EARS2: variants seen among roughly 807,000 people sequenced by gnomAD.
EARS2 encodes the protein nondiscriminating glutamyl-tRNA synthetase EARS2, mitochondrial.
EARS2 carries 50 observed loss-of-function variants against 54.1 expected under a neutral mutation model. The ratio of observed to expected loss-of-function variants is 0.92; its 90% CI spans 0.74 to 1.17. The LOEUF is 1.17. Among genes scored for constraint, EARS2 ranks in the 50% most tolerant of loss-of-function variants. The probability of loss-of-function intolerance (pLI) is 0.00; values close to 1 mark genes in which losing one functional copy is unlikely to be tolerated. For missense variants in EARS2, 673 were observed against 675.0 expected (o/e 1.00, Z 0.03); for synonymous variants, 298 against 281.0 (o/e 1.06, Z -0.61).
chr16:23,522,682 T>C lies in EARS2; in HGVS notation c.*1689A>G, dbSNP rs1032148851. 8 of 152,156 alleles carry C rather than the reference T, an allele frequency of 5.3e-5. No individual in the cohort carries two copies. The highest frequency in any genetic ancestry group is 1.9e-4 in the African/African-American group (8 of 41,436). 9.4% of individuals were successfully genotyped at this position (152,156 alleles called of 1,614,324 possible). ...TCCACTCCCCTGGACAAAATAAATA[T>C]ATTGTCTACTGCTGAAACGCAAATT... On this transcript the variant is annotated 3_prime_UTR_variant, in exon 9 of 9. Transcript: ENST00000449606.
chr16:23,523,345 G>A lies in EARS2; in HGVS notation c.*1026C>T, dbSNP rs1051212183. 2.0e-5 allele frequency: 3 copies of A among 152,190 alleles called. No homozygotes were observed. Among genetic ancestry groups the A allele is most frequent in the African/African-American group, 7.2e-5 (3 of 41,434 alleles). The allele number at this position is 152,190 out of a possible 1,614,324, so 9.4% of individuals were successfully genotyped here. A position where few individuals can be genotyped will look rare whatever the true frequency, so the allele number is the denominator to read the frequency against. ...GACTTATAAGTCATGGAGGAAGGAC[G>A]AGGTGGATTTGAAGAGAAAGCCACA... On this transcript the variant is annotated 3_prime_UTR_variant, in exon 9 of 9. Transcript: ENST00000449606.
At chr16:23,546,778 C>CA (rs1965610244) in intron 2 of EARS2, among the ~76,000 whole-genome samples, 1 of 152,184 alleles carries the variant, frequency 6.6e-6, no homozygotes, top group South Asian at 2.1e-4. Context: ...AGGCTGGTCT[C>CA]AAACTCCTGG....
chr16:23,542,514 C>T (rs927882634), intron 3 of EARS2, among the ~76,000 whole-genome samples: 3 of 151,402 alleles, frequency 2.0e-5, no homozygotes, highest in Admixed American at 1.3e-4. Context: ...CGGGGTTTCA[C>T]CACATTGGCC....
intron 2 of EARS2, chr16:23,546,473 GATC>G (rs763799373): frequency 2.9e-5 from 13 of 453,556 alleles, no homozygotes; most frequent in Admixed American, 9.5e-5. Context: ...TTCTCATGAG[GATC>G]ATCATGAGAC....
chr16:23,545,566 C>T (rs1232458227), intron 2 of EARS2, among the ~76,000 whole-genome samples: 1 of 152,176 alleles, frequency 6.6e-6, no homozygotes. Context: ...TGCTTTGTCA[C>T]CTGGCCGAGT....
chr16:23,552,938 C>G (rs1965720057), intron 1 of EARS2: 1 of 221,202 alleles, frequency 4.5e-6, no homozygotes, highest in Non-Finnish European at 9.6e-6. Flanking sequence ...AGTTTGAGAT[C>G]TGCCTGGGCA....
chr16:23,557,160 G>A (rs773784821), intron 1 of EARS2, 45 bp downstream of exon 1: 4 of 1,499,916 alleles, frequency 2.7e-6, no homozygotes, highest in Non-Finnish European at 3.5e-6. Flanking sequence ...GGGCGGAGAC[G>A]GGACAGGGGG....
In EARS2 at chr16:23,557,349, A is replaced by C. The variant is rs1965818908; in HGVS notation, c.-6T>G. 1 of 1,541,766 alleles carries C rather than the reference A, an allele frequency of 6.5e-7. No individual in the cohort carries two copies. The highest frequency in any genetic ancestry group is 1.7e-4 in the Middle Eastern group (1 of 5,976). On this transcript the variant is annotated 5_prime_UTR_variant, in exon 1 of 9. Transcript: ENST00000449606. ...CTCCTCAGGAGCGCCGCCATGTGGGATGGAATAGCACACGTGGGCTTCTCC... is the reference window on the plus strand; with the variant it reads ...CTCCTCAGGAGCGCCGCCATGTGGGCTGGAATAGCACACGTGGGCTTCTCC...
chr16:23,534,688 T>C (rs117775618), intron 4 of EARS2, among the ~76,000 whole-genome samples, 200 bp downstream of exon 4: 1 of 152,186 alleles, frequency 6.6e-6, no homozygotes, highest in Non-Finnish European at 1.5e-5. Flanking sequence ...ATCATGTCTA[T>C]CTCACCCACT....
chr16:23,543,442 A>T (rs536304462), intron 3 of EARS2, among the ~76,000 whole-genome samples: 6 of 151,350 alleles, frequency 4.0e-5, no homozygotes, highest in African/African-American at 1.2e-4. Flanking sequence ...ACAACAACAA[A>T]AAAAAAACCA....
rs770531891 is a variant in EARS2 at position 23,557,268 on chromosome 16, C to T, written c.76G>A (p.Glu26Lys). The T allele has an allele frequency of 2.0e-6, 3 of 1,522,816 alleles. No homozygotes were observed. Among genetic ancestry groups the T allele is most frequent in the African/African-American group, 1.4e-5 (1 of 72,128 alleles). 94.3% of individuals were successfully genotyped at this position (1,522,816 alleles called of 1,614,324 possible). Residue 26 changes from glutamate (E) to lysine (K), a missense_variant, in exon 1 of 9, where the codon GAG (glutamate) becomes AAG (lysine). By Grantham distance (56) the Glu-to-Lys change is moderately conservative. This residue lies in a region of EARS2 where 316 missense variants were observed against 275.2 expected (regional missense o/e 1.15). Transcript: ENST00000449606. ...CCGGCATCAGTGCCCAGGTTGGCCT[C>T]GCGCCGTCCTACGGGGCGGCCAGAG... Reference protein sequence around the residue: ...AASGRPVGRREANLGTDAGVA... With the variant: ...AASGRPVGRRKANLGTDAGVA...
intron 2 of EARS2, chr16:23,546,319 G>A (rs1449983090): frequency 4.5e-6 from 2 of 446,094 alleles, no homozygotes; most frequent in Non-Finnish European, 9.0e-6. Context: ...TAAGGACATT[G>A]TTCACCTTGC....
At position 23,534,811 on chromosome 16, in the gene EARS2, G is replaced by C; in HGVS notation, c.958+77C>G. 3 of 1,311,638 alleles carry C rather than the reference G, an allele frequency of 2.3e-6. No individual in the cohort carries two copies. The East Asian group carries it at 7.3e-5, about 32-fold the overall frequency. 81.2% of individuals were successfully genotyped at this position (1,311,638 alleles called of 1,614,324 possible). Reference sequence around the variant, plus strand: ...TAGGTGGCAAAGCTGGGACCAAAGAGCAGGACTGTCTGAGCCAAAGCCCTG... The same window carrying C: ...TAGGTGGCAAAGCTGGGACCAAAGACCAGGACTGTCTGAGCCAAAGCCCTG... On this transcript the variant is annotated intron_variant, in intron 4 of 8. Transcript: ENST00000449606.
At chr16:23,527,137 T>C (rs562009234) in intron 7 of EARS2, among the ~76,000 whole-genome samples, 97 of 152,112 alleles carry the variant, frequency 6.4e-4, no homozygotes, top group Middle Eastern at 3.4e-3. Context: ...TAATTTTATT[T>C]TTACCTTTTG....
At chr16:23,528,366 G>A (rs747338334) in intron 7 of EARS2, among the ~76,000 whole-genome samples, 4 of 152,212 alleles carry the variant, frequency 2.6e-5, no homozygotes, top group Admixed American at 6.5e-5. Flanking sequence ...GCAGGCTGCC[G>A]AGGAGCTGAT....
chr16:23,541,642 A>G (rs986649758), intron 3 of EARS2, among the ~76,000 whole-genome samples: 28 of 151,966 alleles, frequency 1.8e-4, no homozygotes, highest in Admixed American at 6.6e-4. Context: ...AGCAGAATTG[A>G]GTGGCCAGAG....
Position 23,544,654 on chromosome 16 carries a change from G to T in EARS2, c.345C>A (p.Tyr115Ter), listed in dbSNP as rs769728828. 3 of 1,611,028 alleles carry T rather than the reference G, an allele frequency of 1.9e-6. No homozygotes were observed. Among genetic ancestry groups the T allele is most frequent in the Non-Finnish European group, 2.5e-6 (3 of 1,179,186 alleles). Residue 115 changes from tyrosine (Y) to a stop codon, truncating the protein, a stop_gained, in exon 3 of 9, where the codon TAC (tyrosine) becomes TAA (stop). Transcript: ENST00000449606. LOFTEE classifies it high-confidence loss of function. ...ACAGCTCCAACCGCTGAGATTGCTGGTAGGGCCCAGCAGGACCGCCCCGGC... is the reference window on the plus strand; with the variant it reads ...ACAGCTCCAACCGCTGAGATTGCTGTTAGGGCCCAGCAGGACCGCCCCGGC... ...SPRRGGPAGP[Y>*]QQSQRLELYA... is the part of the protein sequence containing the mutation.
Position 23,521,890 on chromosome 16 carries a change from G to A in EARS2, c.*2481C>T, listed in dbSNP as rs1965146667. 1 of 455,426 alleles carries A rather than the reference G, an allele frequency of 2.2e-6. No individual in the cohort carries two copies. The allele number at this position is 455,426 out of a possible 1,614,324, so 28.2% of individuals were successfully genotyped here. On this transcript the variant is annotated 3_prime_UTR_variant, in exon 9 of 9. Transcript: ENST00000449606. ...TAGATCAGAGTTAAGCTTGGACTCT[G>A]GATCGGCACAGATCTGAGTTTAAAT...
intron 1 of EARS2, among the ~76,000 whole-genome samples, chr16:23,552,515 G>T (rs1486445117): frequency 6.6e-6 from 1 of 150,998 alleles, no homozygotes; most frequent in Non-Finnish European, 1.5e-5. Context: ...TTTAAGACAA[G>T]AGTCTCACTC....
Sources: gnomAD v4.1 joint callset for allele counts (sites outside exome capture counted in the v4.1 genomes callset) on GRCh38, gnomAD v4.1.1 for gene constraint, gnomAD v4.1.1 regional missense constraint, MANE v1.5 for transcripts, NCBI Gene and HGNC (gene_info 2026-07-23, HGNC 2026-07-21) for gene names.